Variants in VCAN observed in about 807,000 individuals in gnomAD.
The protein encoded by VCAN is versican core protein.
VCAN carries 44 observed loss-of-function variants against 245.5 expected under a neutral mutation model. That is an observed-to-expected ratio of 0.18 (90% CI 0.14 to 0.23). The LOEUF is 0.23. Ranked by LOEUF, VCAN falls within the 10% of genes least tolerant of loss-of-function variation. The probability of loss-of-function intolerance (pLI) is 1.00; values close to 1 mark genes in which losing one functional copy is unlikely to be tolerated. For synonymous variants in VCAN, 1,413 were observed against 1,437.0 expected, an observed-to-expected ratio of 0.98 and a Z score of 0.38; for missense variants, 3,793 against 4,057.9, an observed-to-expected ratio of 0.93 and a Z score of 1.77.
At chr5:83,557,209 C>T (rs373971934) in intron 12 of VCAN, among the ~76,000 whole-genome samples, 118 of 152,216 alleles carry the variant, frequency 7.8e-4, no homozygotes, top group Middle Eastern at 6.8e-3. Context: ...TACACACTTA[C>T]CTGACTGAAC....
In VCAN at chr5:83,539,874, G is replaced by C; in HGVS notation, c.6871G>C (p.Glu2291Gln). 6.2e-7 allele frequency: 1 copy of C among 1,614,032 alleles called. No individual in the cohort carries two copies. Among genetic ancestry groups the C allele is most frequent in the East Asian group, 2.2e-5 (1 of 44,842 alleles). The change falls in exon 8 of 15, where the codon GAA becomes CAA. Residue 2291 changes from glutamate (E) to glutamine (Q), a missense_variant. By Grantham distance (29) the Glu-to-Gln change is conservative. Transcript: ENST00000265077. ...NTLYPHTSQV[E>Q]STSSDKIEDF... Reference sequence around the variant, plus strand: ...ATTATATCCCCACACTTCTCAAGTGGAAAGTACCTCAAGTGACAAAATTGA... The same window carrying C: ...ATTATATCCCCACACTTCTCAAGTGCAAAGTACCTCAAGTGACAAAATTGA...
rs753392015 is a variant in VCAN at position 83,520,251 on chromosome 5, C to A, written c.1945C>A (p.His649Asn). Residue 649 changes from histidine (H) to asparagine (N), a missense_variant, in exon 7 of 15, where the codon CAT (histidine) becomes AAT (asparagine). By Grantham distance (68) the His-to-Asn change is moderately conservative. Coordinates refer to ENST00000265077, the MANE Select transcript of VCAN (RefSeq NM_004385.5). ...YLSTTPFPSQHRTEIELFPYS... is the reference protein window; with the variant it reads ...YLSTTPFPSQNRTEIELFPYS... ...GTCTACTACACCTTTTCCATCACAG[C>A]ATCGTACAGAAATAGAATTGTTTCC... 1 of 1,613,986 alleles carries A rather than the reference C, an allele frequency of 6.2e-7. No homozygotes were observed. Among genetic ancestry groups the A allele is most frequent in the Non-Finnish European group, 8.5e-7 (1 of 1,179,944 alleles).
At position 83,545,598 on chromosome 5, in the gene VCAN, T is replaced by G; in HGVS notation, c.9327T>G (p.Thr3109=). The change falls in exon 9 of 15, where the codon ACT becomes ACG. Residue 3109 remains threonine, a synonymous_variant. Coordinates refer to ENST00000265077, the MANE Select transcript of VCAN (RefSeq NM_004385.5). The part of the protein sequence containing the change: ...LNGGTCYPTE[T]SYVCTCVPGY... ...GAGGCACCTGTTATCCTACTGAAAC[T>G]TCCTACGTATGCACCTGTGTGCCAG... The G allele has an allele frequency of 6.2e-7, 1 of 1,614,158 alleles. No individual in the cohort carries two copies. The highest frequency in any genetic ancestry group is 8.5e-7 in the Non-Finnish European group (1 of 1,179,994).
chr5:83,543,636 T>C (rs1747088629), intron 8 of VCAN, among the ~76,000 whole-genome samples: 1 of 152,226 alleles, frequency 6.6e-6, no homozygotes, highest in Admixed American at 6.5e-5. Flanking sequence ...GGCTAATATT[T>C]ATTGTTTTTT....
intron 5 of VCAN, among the ~76,000 whole-genome samples, chr5:83,504,486 G>A (rs942137406): frequency 2.0e-5 from 3 of 151,320 alleles, no homozygotes; most frequent in Non-Finnish European, 4.4e-5. Flanking sequence ...GGGTTCAAGC[G>A]ATCCTCCTGC....
At chr5:83,561,077 A>T (rs1037146136) in intron 12 of VCAN, among the ~76,000 whole-genome samples, 2 of 152,180 alleles carry the variant, frequency 1.3e-5, no homozygotes, top group Admixed American at 6.6e-5. Context: ...ATTTTAAAAA[A>T]CATTTTCTGC....
At chr5:83,501,496 T>G (rs1262402040) in intron 5 of VCAN, among the ~76,000 whole-genome samples, 1 of 152,158 alleles carries the variant, frequency 6.6e-6, no homozygotes, top group Non-Finnish European at 1.5e-5. Context: ...GAGGTTGGAG[T>G]CCAAATTCAT....
chr5:83,538,090 C>G lies in VCAN; in HGVS notation c.5087C>G (p.Pro1696Arg). 6.2e-7 allele frequency: 1 copy of G among 1,614,088 alleles called. No individual in the cohort carries two copies. The highest frequency in any genetic ancestry group is 1.3e-5 in the African/African-American group (1 of 75,052). The change falls in exon 8 of 15, where the codon CCT becomes CGT. Residue 1696 changes from proline (P) to arginine (R), a missense_variant. Transcript: ENST00000265077. Reference sequence around the variant, plus strand: ...ACCATTTATCCAGTTTCTGAACAACCTTCTGCAAAAGTGGTGCCTACCAAG... The same window carrying G: ...ACCATTTATCCAGTTTCTGAACAACGTTCTGCAAAAGTGGTGCCTACCAAG... ...ATTIYPVSEQ[P>R]SAKVVPTKFV...
chr5:83,548,190 G>C (rs535857923), intron 10 of VCAN, 106 bp downstream of exon 10: 10 of 842,524 alleles, frequency 1.2e-5, no homozygotes, highest in Non-Finnish European at 1.6e-5. Context: ...CATTTCCTTA[G>C]GTTTCCTTAT....
Position 83,521,506 on chromosome 5 carries a change from A to G in VCAN, c.3200A>G (p.Glu1067Gly), listed in dbSNP as rs770714627. The change falls in exon 7 of 15, where the codon GAG becomes GGG. Residue 1067 changes from glutamate (E) to glycine (G), a missense_variant. Physicochemically the swap from Glu to Gly is moderately conservative, Grantham distance 98. Around this residue, in one of 5 missense-constraint regions of VCAN, gnomAD observed 3,182 missense variants for 3,250.3 expected, o/e 0.98. Transcript: ENST00000265077. ...GCAGTAACACCACTGGATGAACAAG[A>G]GGGCGATGGATCAGCATATACAGTC... Reference protein sequence around the residue: ...KEAVTPLDEQEGDGSAYTVSE... With the variant: ...KEAVTPLDEQGGDGSAYTVSE... The G allele has an allele frequency of 6.2e-7, 1 of 1,614,050 alleles. No homozygotes were observed. The highest frequency in any genetic ancestry group is 8.5e-7 in the Non-Finnish European group (1 of 1,180,002).
rs769440137 is a variant in VCAN, at chr5:83,540,978, G to C, written c.7975G>C (p.Asp2659His). The part of the protein sequence containing the change: ...ATHDESMTYE[D>H]RSQLDHMGFH... ...ACATGATGAATCAATGACTTATGAA[G>C]ATAGAAGCCAACTAGATCACATGGG... The change falls in exon 8 of 15, where the codon GAT becomes CAT. Residue 2659 changes from aspartate (D) to histidine (H), a missense_variant. Coordinates refer to ENST00000265077, the MANE Select transcript of VCAN (RefSeq NM_004385.5). 1 of 1,614,054 alleles carries C rather than the reference G, an allele frequency of 6.2e-7. No individual in the cohort carries two copies. Among genetic ancestry groups the C allele is most frequent in the South Asian group, 1.1e-5 (1 of 91,084 alleles).
At position 83,580,545 on chromosome 5, in the gene VCAN, A is replaced by T. The variant is rs907797518; in HGVS notation, c.*111A>T. The T allele has an allele frequency of 1.1e-5, 17 of 1,523,758 alleles. No homozygotes were observed. The African/African-American group carries it at 2.1e-4, about 18-fold the overall frequency. 94.4% of individuals were successfully genotyped at this position (1,523,758 alleles called of 1,614,324 possible). ...ATCAGTTGGTTTGGATTTTTGGACC[A>T]CCGTTCAGTCATTTTGGGTTGCCGT... On this transcript the variant is annotated 3_prime_UTR_variant, in exon 15 of 15. Transcript: ENST00000265077.
At chr5:83,576,938 T>G (rs1748507114) in intron 13 of VCAN, among the ~76,000 whole-genome samples, 1 of 152,182 alleles carries the variant, frequency 6.6e-6, no homozygotes, top group Non-Finnish European at 1.5e-5. Flanking sequence ...CATACTAATT[T>G]GTAGGAGTTC....
intron 5 of VCAN, among the ~76,000 whole-genome samples, chr5:83,506,666 G>A (rs1018823102): frequency 2.0e-5 from 3 of 151,984 alleles, no homozygotes; most frequent in South Asian, 2.1e-4. Context: ...CCACATTTTC[G>A]GGTATCTTTT....
In VCAN at chr5:83,539,924, G is replaced by T; in HGVS notation, c.6921G>T (p.Val2307=). Residue 2307 remains valine, a synonymous_variant, in exon 8 of 15, where the codon GTG becomes GTT. Coordinates refer to ENST00000265077, the MANE Select transcript of VCAN (RefSeq NM_004385.5). ...AAGACTTTAACAGAATGGAAAATGTGGCAAAAGAAGTTGGACCACTCGTAT... is the reference window on the plus strand; with the variant it reads ...AAGACTTTAACAGAATGGAAAATGTTGCAAAAGAAGTTGGACCACTCGTAT... ...KIEDFNRMEN[V]AKEVGPLVSQ... The T allele has an allele frequency of 6.2e-7, 1 of 1,614,044 alleles. No individual in the cohort carries two copies. Among genetic ancestry groups the T allele is most frequent in the Non-Finnish European group, 8.5e-7 (1 of 1,179,972 alleles).
intron 1 of VCAN, among the ~76,000 whole-genome samples, chr5:83,479,001 G>A (rs537555598): frequency 6.6e-6 from 1 of 152,132 alleles, no homozygotes; most frequent in Non-Finnish European, 1.5e-5. Context: ...GCTAAGGGGC[G>A]ACAATGTGAA....
At position 83,520,869 on chromosome 5, in the gene VCAN, A is replaced by G; in HGVS notation, c.2563A>G (p.Thr855Ala). 1.7e-5 allele frequency: 28 copies of G among 1,614,140 alleles called. No individual in the cohort carries two copies. Among genetic ancestry groups the G allele is most frequent in the Non-Finnish European group, 2.3e-5 (27 of 1,180,012 alleles). Residue 855 changes from threonine (T) to alanine (A), a missense_variant, in exon 7 of 15, where the codon ACT (threonine) becomes GCT (alanine). Thr to Ala is a moderately conservative substitution (Grantham distance 58, BLOSUM62 0). Around this residue, in one of 5 missense-constraint regions of VCAN, gnomAD observed 3,182 missense variants for 3,250.3 expected, o/e 0.98. Coordinates refer to ENST00000265077, the MANE Select transcript of VCAN (RefSeq NM_004385.5). ...SFTEDGADEF[T>A]LIPDSTQKQL... ...CACTGAAGATGGAGCAGATGAATTT[A>G]CTCTTATTCCAGATAGTACTCAAAA... is the stretch of plus-strand genomic sequence containing the variant.
At position 83,522,321 on chromosome 5, in the gene VCAN, C is replaced by T; in HGVS notation, c.4003+12C>T. On this transcript the variant is annotated intron_variant, in intron 7 of 14. Coordinates refer to ENST00000265077, the MANE Select transcript of VCAN (RefSeq NM_004385.5). ...AGAAAATAAGACAGGTAAGTCTTTG[C>T]TTTCTAGACTAGCATTGAAGGCAAT... 6.3e-7 allele frequency: 1 copy of T among 1,597,596 alleles called. No homozygotes were observed. Among genetic ancestry groups the T allele is most frequent in the Non-Finnish European group, 8.5e-7 (1 of 1,179,332 alleles).
At chr5:83,576,405 C>A (rs1427159014) in intron 13 of VCAN, among the ~76,000 whole-genome samples, 1 of 151,912 alleles carries the variant, frequency 6.6e-6, no homozygotes, top group African/African-American at 2.4e-5. Flanking sequence ...ATGGCATGTT[C>A]TTTGTTTTTG....
Sources: allele counts gnomAD v4.1 joint callset (sites outside exome capture counted in the v4.1 genomes callset), GRCh38; gene constraint gnomAD v4.1.1; regional missense constraint gnomAD v4.1.1; transcripts MANE v1.5; gene names NCBI Gene and HGNC (gene_info 2026-07-23, HGNC 2026-07-21).